CGRRF1: variants seen among roughly 807,000 people sequenced by gnomAD.
CGRRF1 encodes the protein cell growth regulator with ring finger domain 1.
A neutral mutation model predicts 37.2 loss-of-function variants in CGRRF1; 32 were observed. That is an observed-to-expected ratio of 0.86 (90% CI 0.65 to 1.16). The LOEUF (loss-of-function observed/expected upper bound fraction) is 1.16, where lower values mean the gene tolerates loss of function less well. CGRRF1 is among the 50% of genes most tolerant of loss of function. CGRRF1 has a pLI of 0.00. For missense variants in CGRRF1, 391 were observed against 382.6 expected, an observed-to-expected ratio of 1.02 and a Z score of -0.18; for synonymous variants, 141 against 140.3, an observed-to-expected ratio of 1.00 and a Z score of -0.04.
At chr14:54,529,262 T>G (rs2032467055) in intron 2 of CGRRF1, among the ~76,000 whole-genome samples, 1 of 152,176 alleles carries the variant, frequency 6.6e-6, no homozygotes, top group African/African-American at 2.4e-5. Context: ...GAATGTGATA[T>G]TGCTACAAAT....
intron 2 of CGRRF1, among the ~76,000 whole-genome samples, chr14:54,525,867 C>T (rs1594652424): frequency 1.3e-5 from 2 of 152,200 alleles, no homozygotes; most frequent in South Asian, 2.1e-4. Flanking sequence ...GAGGCTGAGA[C>T]GGGCGGATCC....
At chr14:54,523,538 C>T (rs2032357615) in intron 2 of CGRRF1, among the ~76,000 whole-genome samples, 1 of 149,760 alleles carries the variant, frequency 6.7e-6, no homozygotes, top group Non-Finnish European at 1.5e-5. Context: ...TTTATTCCTT[C>T]CTCCTTTTTT....
At chr14:54,515,352 G>A (rs1356565036) in intron 1 of CGRRF1, among the ~76,000 whole-genome samples, 14 of 151,770 alleles carry the variant, frequency 9.2e-5, no homozygotes, top group Non-Finnish European at 1.9e-4. Flanking sequence ...ATGACCTCCC[G>A]AAGTGCTGGG....
chr14:54,530,642 G>A lies in CGRRF1; in HGVS notation c.423-261G>A. ...GAAAATTAGACTTCTTACGGATAAA[G>A]TGTTGCTAACTTATTGATCATTTTT... On this transcript the variant is annotated intron_variant, in intron 3 of 5. Transcript: ENST00000216420. 1.1e-5 allele frequency: 9 copies of A among 842,394 alleles called. No individual in the cohort carries two copies. The South Asian group carries it at 1.7e-4, about 16-fold the overall frequency. 52.2% of individuals were successfully genotyped at this position (842,394 alleles called of 1,614,324 possible). A position where few individuals can be genotyped will look rare whatever the true frequency, so the allele number is the denominator to read the frequency against.
intron 2 of CGRRF1, 108 bp from the exon 3 acceptor site, chr14:54,529,941 C>A (rs1008733499): frequency 1.2e-6 from 1 of 801,148 alleles, no homozygotes; most frequent in Non-Finnish European, 2.0e-6. Context: ...CTTTTAACTG[C>A]CATCATCCTG....
chr14:54,527,844 G>A (rs2140062580), intron 2 of CGRRF1, among the ~76,000 whole-genome samples: 1 of 151,600 alleles, frequency 6.6e-6, no homozygotes, highest in East Asian at 1.9e-4. Context: ...CTGCAGCCGT[G>A]ATCCTCCTAC....
chr14:54,512,334 T>C (rs945902753), intron 1 of CGRRF1, among the ~76,000 whole-genome samples: 1 of 152,242 alleles, frequency 6.6e-6, no homozygotes, highest in African/African-American at 2.4e-5. Flanking sequence ...CAAAGAAGCA[T>C]GCAACTGGAA....
chr14:54,513,846 C>T (rs2032172100), intron 1 of CGRRF1, among the ~76,000 whole-genome samples: 2 of 152,046 alleles, frequency 1.3e-5, no homozygotes, highest in Admixed American at 1.3e-4. Context: ...GGTGCCTGAA[C>T]ACAGTTTTAA....
intron 2 of CGRRF1, among the ~76,000 whole-genome samples, chr14:54,525,165 A>C (rs543698879): frequency 3.3e-5 from 5 of 152,332 alleles, no homozygotes; most frequent in African/African-American, 1.2e-4. Flanking sequence ...CAGGACCCGC[A>C]ATGAAAAACC....
At chr14:54,512,565 C>A (rs532474247) in intron 1 of CGRRF1, among the ~76,000 whole-genome samples, 1 of 152,334 alleles carries the variant, frequency 6.6e-6, no homozygotes, top group East Asian at 1.9e-4. Flanking sequence ...GAATCTAGGG[C>A]AGAACTCTAA....
chr14:54,534,342 C>G (rs1186623593), intron 4 of CGRRF1, among the ~76,000 whole-genome samples: 1 of 152,116 alleles, frequency 6.6e-6, no homozygotes, highest in African/African-American at 2.4e-5. Flanking sequence ...CCAGGTTGGT[C>G]TTGAACTCCT....
intron 1 of CGRRF1, among the ~76,000 whole-genome samples, chr14:54,510,695 G>A (rs1466866880): frequency 1.3e-5 from 2 of 152,212 alleles, no homozygotes; most frequent in African/African-American, 4.8e-5. Context: ...TAGGACAGTT[G>A]CCTATTGGAG....
intron 1 of CGRRF1, among the ~76,000 whole-genome samples, chr14:54,514,267 A>G (rs2032180680): frequency 6.6e-6 from 1 of 152,206 alleles, no homozygotes; most frequent in Admixed American, 6.5e-5. Context: ...TGAGGAATAT[A>G]TGTGAGGATG....
In CGRRF1 at chr14:54,522,459, G is replaced by T. The variant is rs1378621226; in HGVS notation, c.110G>T (p.Gly37Val). 2.6e-6 allele frequency: 4 copies of T among 1,560,074 alleles called. No homozygotes were observed. The highest frequency in any genetic ancestry group is 2.6e-6 in the Non-Finnish European group (3 of 1,160,284). ...TATTTTTTACCTTTTTTTAGGTTTG[G>T]TTGGGATGTTCCAGTAATTCTGAGA... ...VTTGLVLGWF[G>V]WDVPVILRNS... The change falls in exon 2 of 6, where the codon GGT becomes GTT. Residue 37 changes from glycine (G) to valine (V), a missense_variant. Gly to Val is a moderately radical substitution (Grantham distance 109). Transcript: ENST00000216420.
At chr14:54,513,535 A>G (rs2032163010) in intron 1 of CGRRF1, among the ~76,000 whole-genome samples, 1 of 151,992 alleles carries the variant, frequency 6.6e-6, no homozygotes, top group East Asian at 1.9e-4. Context: ...TTGTGTAGCC[A>G]CGGAAAGACT....
chr14:54,511,595 C>A (rs1384146924), intron 1 of CGRRF1, among the ~76,000 whole-genome samples: 1 of 152,146 alleles, frequency 6.6e-6, no homozygotes, highest in East Asian at 1.9e-4. Flanking sequence ...AATAGGCCAA[C>A]TAATTAGATA....
chr14:54,513,644 T>C (rs975676277), intron 1 of CGRRF1, among the ~76,000 whole-genome samples: 1 of 146,940 alleles, frequency 6.8e-6, no homozygotes, highest in Non-Finnish European at 1.5e-5. Flanking sequence ...ATGTTATTTT[T>C]GAGACAGAGT....
At chr14:54,533,240 G>C (rs2032548077) in intron 4 of CGRRF1, among the ~76,000 whole-genome samples, 2 of 152,116 alleles carry the variant, frequency 1.3e-5, no homozygotes, top group South Asian at 4.1e-4. Context: ...TTTTAGGCCA[G>C]AGAAGAGTTT....
At chr14:54,513,021 T>C (rs2032155182) in intron 1 of CGRRF1, among the ~76,000 whole-genome samples, 1 of 152,258 alleles carries the variant, frequency 6.6e-6, no homozygotes, top group African/African-American at 2.4e-5. Flanking sequence ...ATTTTTCATA[T>C]GAAAATTTCT....
Sources: gnomAD v4.1 joint callset for allele counts (sites outside exome capture counted in the v4.1 genomes callset) on GRCh38, gnomAD v4.1.1 for gene constraint, MANE v1.5 for transcripts, NCBI Gene and HGNC (gene_info 2026-07-23, HGNC 2026-07-21) for gene names.